The following DCDC2 variants were observed in gnomAD, a reference collection of about 807,000 sequenced individuals.
DCDC2 encodes the protein doublecortin domain-containing protein 2.
DCDC2 carries 40 observed loss-of-function variants against 50.2 expected under a neutral mutation model. That is an observed-to-expected ratio of 0.80 (90% CI 0.62 to 1.04). DCDC2 has a LOEUF of 1.04. Among genes scored for constraint, DCDC2 ranks in the 50% least tolerant of loss-of-function variants. The probability of loss-of-function intolerance (pLI) is 0.00; values close to 1 mark genes in which losing one functional copy is unlikely to be tolerated. For synonymous variants in DCDC2, 234 were observed against 210.6 expected (o/e 1.11, Z -0.96); for missense variants, 570 against 581.9 (o/e 0.98, Z 0.21).
At chr6:24,248,505 T>C (rs768664955) in intron 7 of DCDC2, among the ~76,000 whole-genome samples, 18 of 152,174 alleles carry the variant, frequency 1.2e-4, no homozygotes, top group South Asian at 4.2e-4. Flanking sequence ...GTAGTATTAG[T>C]ATTGGTAGTA....
At chr6:24,174,922 CTATT>C (rs971380479) in intron 9 of DCDC2, 88 bp from the exon 10 acceptor site, 121 of 686,042 alleles carry the variant, frequency 1.8e-4, no homozygotes, top group Admixed American at 7.3e-4. Context: ...ACTCAAGATT[CTATT>C]TAATTATATA....
rs1328454076 is a variant in DCDC2 at position 24,173,919 on chromosome 6, A to T, written c.*811T>A. ...CCAATATCAGGTTCTCTAATAACAT[A>T]AGGGAGAAGAGAGAGATACTATTGG... is the stretch of plus-strand genomic sequence containing the variant. On this transcript the variant is annotated 3_prime_UTR_variant, in exon 10 of 10. Transcript: ENST00000378454. The T allele has an allele frequency of 6.6e-6, 1 of 152,218 alleles. No individual in the cohort carries two copies. Among genetic ancestry groups the T allele is most frequent in the Non-Finnish European group, 1.5e-5 (1 of 68,034 alleles). 9.4% of individuals were successfully genotyped at this position (152,218 alleles called of 1,614,324 possible). A position where few individuals can be genotyped will look rare whatever the true frequency, so the allele number is the denominator to read the frequency against.
At position 24,288,698 on chromosome 6, in the gene DCDC2, T is replaced by C. The variant is rs144100481; in HGVS notation, c.759+154A>G. 2.2e-3 allele frequency among the ~76,000 whole-genome samples: 339 copies of C among 152,356 alleles called. 1 individual carries two copies. Among genetic ancestry groups the C allele is most frequent in the Non-Finnish European group, 3.5e-3 (240 of 68,040 alleles). On this transcript the variant is annotated intron_variant, in intron 6 of 9. Transcript: ENST00000378454. The stretch of plus-strand genomic sequence containing the variant: ...TTAGCTCTGTTTAGGACCATAAGTG[T>C]AACATTAAAGTTCTAGTGCTGTTTC...
chr6:24,276,576 G>A (rs1013607485), intron 7 of DCDC2, among the ~76,000 whole-genome samples: 1 of 151,994 alleles, frequency 6.6e-6, no homozygotes, highest in Non-Finnish European at 1.5e-5. Context: ...AAAACTAGTA[G>A]GACATAGCCC....
chr6:24,200,888 A>G (rs1430839378), intron 8 of DCDC2, among the ~76,000 whole-genome samples: 1 of 152,184 alleles, frequency 6.6e-6, no homozygotes, highest in Non-Finnish European at 1.5e-5. Flanking sequence ...ACTTTAAGCC[A>G]ACAAAGAACA....
intron 8 of DCDC2, among the ~76,000 whole-genome samples, chr6:24,201,197 T>C (rs796353563): frequency 5.9e-5 from 9 of 152,252 alleles, no homozygotes; most frequent in African/African-American, 2.2e-4. Flanking sequence ...CAACAGAATA[T>C]ACATTCTTCT....
intron 7 of DCDC2, among the ~76,000 whole-genome samples, chr6:24,237,435 T>G (rs1165983566): frequency 6.6e-6 from 1 of 151,894 alleles, no homozygotes; most frequent in Non-Finnish European, 1.5e-5. Context: ...CGTTGTGAGG[T>G]TGTGGAAAAA....
At chr6:24,340,628 G>A (rs1220599026) in intron 2 of DCDC2, among the ~76,000 whole-genome samples, 5 of 151,700 alleles carry the variant, frequency 3.3e-5, no homozygotes, top group South Asian at 2.1e-4. Context: ...TTATCCACTC[G>A]TTTCTAAGAA....
intron 7 of DCDC2, among the ~76,000 whole-genome samples, chr6:24,230,796 T>C (rs539580951): frequency 1.1e-4 from 17 of 152,314 alleles, no homozygotes; most frequent in Non-Finnish European, 1.5e-4. Flanking sequence ...GATTTATAGC[T>C]TTTTCACTAA....
At chr6:24,261,101 AG>A (rs1282240191) in intron 7 of DCDC2, among the ~76,000 whole-genome samples, 8 of 152,330 alleles carry the variant, frequency 5.3e-5, no homozygotes, top group African/African-American at 1.9e-4. Context: ...ATTCATTTTA[AG>A]ATTGCAAAAT....
intron 2 of DCDC2, among the ~76,000 whole-genome samples, chr6:24,305,089 G>T (rs1759447569): frequency 6.6e-6 from 1 of 152,112 alleles, no homozygotes; most frequent in Non-Finnish European, 1.5e-5. Flanking sequence ...TAAAAATCTT[G>T]TTGCATTGTC....
chr6:24,296,606 C>T (rs1759250580), intron 4 of DCDC2, among the ~76,000 whole-genome samples: 1 of 151,960 alleles, frequency 6.6e-6, no homozygotes, highest in African/African-American at 2.4e-5. Context: ...CTATAAGGAA[C>T]TTAAACTTAC....
At chr6:24,343,664 A>C (rs1471174471) in intron 2 of DCDC2, among the ~76,000 whole-genome samples, 1 of 152,208 alleles carries the variant, frequency 6.6e-6, no homozygotes, top group Non-Finnish European at 1.5e-5. Context: ...GCACTGTACT[A>C]CACAGTCCTA....
At chr6:24,259,966 A>G (rs778715005) in intron 7 of DCDC2, among the ~76,000 whole-genome samples, 1 of 152,220 alleles carries the variant, frequency 6.6e-6, no homozygotes, top group Non-Finnish European at 1.5e-5. Context: ...AGTGGAGCTT[A>G]GGAGTAAAGA....
intron 5 of DCDC2, among the ~76,000 whole-genome samples, chr6:24,290,315 C>T (rs968747811): frequency 1.6e-4 from 24 of 152,048 alleles, no homozygotes; most frequent in African/African-American, 5.8e-4. Flanking sequence ...TGAGTGACTC[C>T]GCAGTGTATC....
chr6:24,201,592 A>G (rs748007755), intron 8 of DCDC2, among the ~76,000 whole-genome samples: 3 of 152,192 alleles, frequency 2.0e-5, no homozygotes, highest in Non-Finnish European at 4.4e-5. Flanking sequence ...AATTAAAAGA[A>G]CTAGAGAAGC....
intron 4 of DCDC2, among the ~76,000 whole-genome samples, chr6:24,300,661 A>G (rs182649494): frequency 1.6e-3 from 237 of 152,394 alleles, no homozygotes; most frequent in African/African-American, 5.2e-3. Flanking sequence ...TGAAAGACGT[A>G]ATATGCAATC....
At chr6:24,375,376 T>C in the DCDC2 span, among the ~76,000 whole-genome samples, 1 of 151,670 alleles carries the variant, frequency 6.6e-6, no homozygotes, top group East Asian at 1.9e-4. Flanking sequence ...GTGTCACATC[T>C]GGGTAAGTGG....
upstream of DCDC2, among the ~76,000 whole-genome samples, chr6:24,360,442 A>AT (rs765601424): frequency 5.3e-5 from 8 of 152,102 alleles, no homozygotes; most frequent in Non-Finnish European, 1.2e-4. Context: ...CAGGGAAAGG[A>AT]TTTTTTCACT....
Sources: allele counts gnomAD v4.1 joint callset (sites outside exome capture counted in the v4.1 genomes callset), GRCh38; gene constraint gnomAD v4.1.1; transcripts MANE v1.5; gene names NCBI Gene and HGNC (gene_info 2026-07-23, HGNC 2026-07-21).